Variants in ACER3 observed in about 807,000 individuals in gnomAD.
The protein encoded by ACER3 is alkCDase 3.
In ACER3, 16 loss-of-function variants were observed where a neutral mutation model predicts 48.9. That is an observed-to-expected ratio of 0.33 (90% confidence interval 0.22 to 0.50). The LOEUF is 0.50. ACER3 is among the 20% of genes least tolerant of loss of function. The pLI, the probability that ACER3 is intolerant of heterozygous loss-of-function variation, is 0.98. For missense variants in ACER3, 227 were observed against 326.0 expected, an observed-to-expected ratio of 0.70 and a Z score of 2.34; for synonymous variants, 109 against 107.8, an observed-to-expected ratio of 1.01 and a Z score of -0.07.
chr11:76,879,518 C>G (rs1945471472), intron 1 of ACER3, among the ~76,000 whole-genome samples: 1 of 152,084 alleles, frequency 6.6e-6, no homozygotes, highest in Non-Finnish European at 1.5e-5. Context: ...CTTTTCTTGA[C>G]CTAAAAAGCA....
chr11:76,894,413 A>G (rs1474692890), intron 1 of ACER3, among the ~76,000 whole-genome samples: 1 of 152,228 alleles, frequency 6.6e-6, no homozygotes, highest in Non-Finnish European at 1.5e-5. Context: ...CTGTAGGTAT[A>G]TCATAGACAT....
At chr11:76,913,925 C>T (rs921663660) in intron 1 of ACER3, among the ~76,000 whole-genome samples, 14 of 152,178 alleles carry the variant, frequency 9.2e-5, no homozygotes, top group South Asian at 2.1e-4. Flanking sequence ...CTTTGACAAA[C>T]CTGACAAAAA....
intron 4 of ACER3, among the ~76,000 whole-genome samples, chr11:76,981,551 A>G (rs894829304): frequency 8.5e-5 from 13 of 152,142 alleles, no homozygotes; most frequent in African/African-American, 3.1e-4. Context: ...ACTGACACCT[A>G]CCCTGGCCTC....
chr11:76,977,896 C>T (rs535078368), intron 4 of ACER3, among the ~76,000 whole-genome samples: 11 of 152,372 alleles, frequency 7.2e-5, no homozygotes, highest in African/African-American at 2.6e-4. Flanking sequence ...TCTCTCCGCT[C>T]CCAGCTCCCA....
chr11:76,883,328 A>G (rs544676136), intron 1 of ACER3, among the ~76,000 whole-genome samples: 58 of 150,528 alleles, frequency 3.9e-4, no homozygotes, highest in African/African-American at 1.3e-3. Context: ...TCTCCCCATT[A>G]TGTCCATGTT....
At chr11:76,867,200 G>A (rs1945112226) in intron 1 of ACER3, among the ~76,000 whole-genome samples, 1 of 151,720 alleles carries the variant, frequency 6.6e-6, no homozygotes, top group South Asian at 2.1e-4. Context: ...CAGGCATGGT[G>A]GCTCATGCCT....
intron 6 of ACER3, among the ~76,000 whole-genome samples, chr11:76,992,381 T>G (rs11237052): frequency 6.6e-6 from 1 of 152,128 alleles, no homozygotes; most frequent in African/African-American, 2.4e-5. Flanking sequence ...TTTTTCATTT[T>G]GTGCTTTAGA....
intron 7 of ACER3, among the ~76,000 whole-genome samples, chr11:77,010,805 T>C (rs575873685): frequency 7.2e-5 from 11 of 152,168 alleles, no homozygotes; most frequent in East Asian, 1.9e-4. Flanking sequence ...CAAAGCAACA[T>C]TGAAACTAGA....
intron 5 of ACER3, among the ~76,000 whole-genome samples, chr11:76,988,780 T>A (rs1948736685): frequency 6.6e-6 from 1 of 152,130 alleles, no homozygotes; most frequent in South Asian, 2.1e-4. Flanking sequence ...AAGAAGAGAA[T>A]CAAGTCTAGA....
intron 2 of ACER3, among the ~76,000 whole-genome samples, chr11:76,943,561 T>G (rs960130971): frequency 5.3e-5 from 8 of 152,072 alleles, no homozygotes; most frequent in African/African-American, 1.9e-4. Flanking sequence ...ATTTTAAGAC[T>G]TATTTTGTGG....
chr11:76,935,245 G>A (rs59394626), intron 2 of ACER3, among the ~76,000 whole-genome samples: 1 of 152,144 alleles, frequency 6.6e-6, no homozygotes, highest in African/African-American at 2.4e-5. Flanking sequence ...TGAAATGGAA[G>A]ACAAGCAGAA....
rs1418203920 is a variant in ACER3 at position 77,021,842 on chromosome 11, G to A, written c.*1515G>A. On this transcript the variant is annotated 3_prime_UTR_variant, in exon 11 of 11. Coordinates refer to ENST00000532485, the MANE Select transcript of ACER3 (RefSeq NM_018367.7). ...CTTAGTTTTTAACCAAGTATCCAAGGATGTCAACTTGACATCCTTCCCTTA... is the reference window on the plus strand; with the variant it reads ...CTTAGTTTTTAACCAAGTATCCAAGAATGTCAACTTGACATCCTTCCCTTA... 6.6e-6 allele frequency: 1 copy of A among 152,042 alleles called. No individual in the cohort carries two copies. Among genetic ancestry groups the A allele is most frequent in the Admixed American group, 6.6e-5 (1 of 15,256 alleles). 9.4% of individuals were successfully genotyped at this position (152,042 alleles called of 1,614,324 possible).
chr11:76,883,029 A>G (rs1480063552), intron 1 of ACER3, among the ~76,000 whole-genome samples: 3 of 152,140 alleles, frequency 2.0e-5, no homozygotes, highest in African/African-American at 7.2e-5. Context: ...CAGACCAGCA[A>G]GCCTGTGGTG....
chr11:77,002,161 A>G (rs1462353083), intron 7 of ACER3, among the ~76,000 whole-genome samples: 1 of 13,546 alleles, frequency 7.4e-5, no homozygotes, highest in African/African-American at 1.9e-4. Context: ...ACCTATCTCT[A>G]AAATAGTCAC....
rs975479591 is a variant in ACER3, at chr11:76,973,118, C to T, written c.268-3171C>T. On this transcript the variant is annotated intron_variant, in intron 3 of 10. Coordinates refer to ENST00000532485, the MANE Select transcript of ACER3 (RefSeq NM_018367.7). Reference sequence around the variant, plus strand: ...CAGGCCCATGGAGCAGAGCAGCTGCCCAGGTGACAGCCATGATGGGGCCTT... The same window carrying T: ...CAGGCCCATGGAGCAGAGCAGCTGCTCAGGTGACAGCCATGATGGGGCCTT... 3.3e-5 allele frequency among the ~76,000 whole-genome samples: 5 copies of T among 152,300 alleles called. No homozygotes were observed. In the East Asian group the frequency reaches 5.8e-4, roughly 18 times the overall value.
intron 7 of ACER3, among the ~76,000 whole-genome samples, chr11:77,009,321 T>C (rs552441384): frequency 2.0e-5 from 3 of 152,252 alleles, no homozygotes; most frequent in Non-Finnish European, 4.4e-5. Flanking sequence ...CCGTACACTT[T>C]AACCAACCAT....
At chr11:76,968,652 A>C (rs2135109594) in intron 3 of ACER3, among the ~76,000 whole-genome samples, 1 of 152,344 alleles carries the variant, frequency 6.6e-6, no homozygotes, top group South Asian at 2.1e-4. Context: ...ATCTACAACT[A>C]TCTGATCTTT....
chr11:76,872,908 T>TC (rs1945280652), intron 1 of ACER3, among the ~76,000 whole-genome samples: 1 of 83,164 alleles, frequency 1.2e-5, no homozygotes, highest in African/African-American at 3.6e-5. Context: ...CTTTTTTCTT[T>TC]TTCTTTTTTT....
intron 7 of ACER3, among the ~76,000 whole-genome samples, chr11:77,010,194 A>AATG (rs1949233550): frequency 7.5e-6 from 1 of 132,844 alleles, no homozygotes; most frequent in South Asian, 2.5e-4. Context: ...TAATAATAAT[A>AATG]ATAACTAGTT....
Sources: gnomAD v4.1 joint callset for allele counts (sites outside exome capture counted in the v4.1 genomes callset) on GRCh38, gnomAD v4.1.1 for gene constraint, MANE v1.5 for transcripts, NCBI Gene and HGNC (gene_info 2026-07-23, HGNC 2026-07-21) for gene names.